Variants in NPAS3 observed in about 807,000 individuals in gnomAD.
The protein encoded by NPAS3 is neuronal PAS domain-containing protein 3.
A neutral mutation model predicts 73.1 loss-of-function variants in NPAS3; 14 were observed. That is an observed-to-expected ratio of 0.19 (90% CI 0.13 to 0.30). The LOEUF (loss-of-function observed/expected upper bound fraction) is 0.30. NPAS3 is among the 10% of genes least tolerant of loss of function. The pLI is 1.00. For synonymous variants in NPAS3, 620 were observed against 541.5 expected (o/e 1.14, Z -2.01); for missense variants, 1,096 against 1,250.0 (o/e 0.88, Z 1.86).
At chr14:33,769,319 T>A (rs1009126977) in intron 7 of NPAS3, among the ~76,000 whole-genome samples, 1 of 152,256 alleles carries the variant, frequency 6.6e-6, no homozygotes, top group Non-Finnish European at 1.5e-5. Flanking sequence ...TTCTCCAGGA[T>A]CTTCCCAGGC....
rs775072650 is a variant in NPAS3 at position 33,800,788 on chromosome 14, C to T, written c.2481C>T (p.Gly827=). The T allele has an allele frequency of 6.3e-7, 1 of 1,584,962 alleles. No homozygotes were observed. Among genetic ancestry groups the T allele is most frequent in the Non-Finnish European group, 8.6e-7 (1 of 1,166,956 alleles). The change falls in exon 12 of 12, where the codon GGC becomes GGT. Residue 827 remains glycine (G), a synonymous_variant. Coordinates refer to ENST00000356141, the Ensembl canonical transcript of NPAS3. This position sits in a 1 kb window ranked among gnomAD's most constrained non-coding sequence, Gnocchi z 6.5. ...CCGCGCAGAGGGTCTACACCACGGG[C>T]ACCATCCGCTACGCGCCCGCCGAGG...
chr14:33,541,269 CT>C (rs1327400475), intron 4 of NPAS3, among the ~76,000 whole-genome samples: 5 of 152,154 alleles, frequency 3.3e-5, no homozygotes, highest in Admixed American at 6.5e-5. Flanking sequence ...TAGTTTGTTT[CT>C]AGTCCATTAA....
intron 4 of NPAS3, among the ~76,000 whole-genome samples, chr14:33,543,977 ATATATATATATATATATATATATATC>A (rs1416740259): frequency 7.6e-4 from 27 of 35,724 alleles, no homozygotes; most frequent in African/African-American, 3.5e-3. Context: ...ATATATATAT[ATATATATATATATATATATATATATC>A]TATATCAGGA....
At chr14:33,015,616 A>G (rs2039363311) in intron 1 of NPAS3, among the ~76,000 whole-genome samples, 1 of 152,204 alleles carries the variant, frequency 6.6e-6, no homozygotes, top group African/African-American at 2.4e-5. Flanking sequence ...GATTAAAAAA[A>G]TGCAGAGGAC....
At chr14:33,116,529 G>A (rs921769637) in intron 2 of NPAS3, among the ~76,000 whole-genome samples, 4 of 152,056 alleles carry the variant, frequency 2.6e-5, no homozygotes, top group Admixed American at 2.0e-4. Flanking sequence ...ACATTACTAA[G>A]ATAAGTGCTA....
chr14:33,585,631 C>T (rs188226880), intron 5 of NPAS3, among the ~76,000 whole-genome samples: 49 of 152,270 alleles, frequency 3.2e-4, no homozygotes. Flanking sequence ...CAAACCAAAT[C>T]AGAGATACAT....
chr14:33,373,600 T>C (rs748596240), intron 4 of NPAS3, among the ~76,000 whole-genome samples: 18 of 152,146 alleles, frequency 1.2e-4, no homozygotes, highest in Non-Finnish European at 2.5e-4. Flanking sequence ...TTATTTAAAC[T>C]AAGTATTGAG....
chr14:33,364,805 G>T (rs1016429683), intron 3 of NPAS3, among the ~76,000 whole-genome samples: 2 of 151,478 alleles, frequency 1.3e-5, no homozygotes, highest in African/African-American at 2.4e-5. Flanking sequence ...AGACAACAGC[G>T]TCTATGCTTT....
At chr14:33,198,946 A>C (rs2139572258) in intron 2 of NPAS3, among the ~76,000 whole-genome samples, 1 of 152,246 alleles carries the variant, frequency 6.6e-6, no homozygotes, top group South Asian at 2.1e-4. Context: ...GTGCTGGGGG[A>C]ACCCAGGGCC....
chr14:33,715,375 T>G (rs1015873851), intron 6 of NPAS3, among the ~76,000 whole-genome samples: 3 of 152,220 alleles, frequency 2.0e-5, no homozygotes, highest in Non-Finnish European at 1.5e-5. Flanking sequence ...ACCTTTACTG[T>G]CCTGATTGCT....
intron 7 of NPAS3, among the ~76,000 whole-genome samples, chr14:33,760,550 A>T (rs2062250730): frequency 6.6e-6 from 1 of 152,134 alleles, no homozygotes; most frequent in Admixed American, 6.5e-5. Flanking sequence ...CCACCCCTGA[A>T]TGTGAGTAGT....
At chr14:33,668,351 G>A (rs1160764644) in intron 5 of NPAS3, among the ~76,000 whole-genome samples, 1 of 152,080 alleles carries the variant, frequency 6.6e-6, no homozygotes, top group Non-Finnish European at 1.5e-5. Context: ...ATTATTATTT[G>A]GATGTGTAAT....
chr14:33,048,888 A>G (rs1483516428), intron 1 of NPAS3, among the ~76,000 whole-genome samples: 1 of 152,242 alleles, frequency 6.6e-6, no homozygotes, highest in Non-Finnish European at 1.5e-5. Flanking sequence ...CACAGCATTC[A>G]GCATGAAGGA....
At chr14:33,456,975 C>T (rs1446921710) in intron 4 of NPAS3, among the ~76,000 whole-genome samples, 1 of 152,138 alleles carries the variant, frequency 6.6e-6, no homozygotes, top group Non-Finnish European at 1.5e-5. Context: ...ATTAAGGTAA[C>T]ATAATGAGGT....
chr14:33,198,548 C>G lies in NPAS3; in HGVS notation c.141-16634C>G, dbSNP rs139450527. On this transcript the variant is annotated intron_variant, in intron 2 of 11. Coordinates refer to ENST00000356141, the Ensembl canonical transcript of NPAS3. The stretch of plus-strand genomic sequence containing the variant: ...GCGTTTGCAAACCTTGAGCTAGATA[C>G]CAGGTGCTGATTGGTGCATTTACAA... Among the ~76,000 whole-genome samples the G allele has an allele frequency of 2.4e-4, 37 of 152,318 alleles. No homozygotes were observed. The East Asian group carries it at 7.1e-3, about 29-fold the overall frequency.
chr14:32,965,839 G>C (rs1354451347), intron 1 of NPAS3, among the ~76,000 whole-genome samples: 1 of 151,614 alleles, frequency 6.6e-6, no homozygotes, highest in Non-Finnish European at 1.5e-5. Context: ...ATAGCTGTTG[G>C]GACTAAAAAA....
At chr14:33,766,124 C>T (rs1306851189) in intron 7 of NPAS3, among the ~76,000 whole-genome samples, 1 of 152,194 alleles carries the variant, frequency 6.6e-6, no homozygotes, top group Non-Finnish European at 1.5e-5. Flanking sequence ...GGGTGTTGAA[C>T]AAAGTGAGTT....
intron 3 of NPAS3, among the ~76,000 whole-genome samples, chr14:33,358,951 G>C (rs1050744390): frequency 1.3e-5 from 2 of 150,330 alleles, no homozygotes; most frequent in Non-Finnish European, 3.0e-5. Context: ...AAATTTATCA[G>C]AGTGACCTTT....
At chr14:33,121,524 C>A (rs1390620385) in intron 2 of NPAS3, among the ~76,000 whole-genome samples, 2 of 152,150 alleles carry the variant, frequency 1.3e-5, no homozygotes, top group Non-Finnish European at 2.9e-5. Flanking sequence ...TAGCCTATAG[C>A]AGGTGCTTAT....
Sources: allele counts gnomAD v4.1 joint callset (sites outside exome capture counted in the v4.1 genomes callset), GRCh38; gene constraint gnomAD v4.1.1; non-coding constraint Gnocchi (gnomAD v3.1); transcripts MANE v1.5; gene names NCBI Gene and HGNC (gene_info 2026-07-23, HGNC 2026-07-21).